The following RAPGEF6 variants were observed in gnomAD, a reference collection of about 807,000 sequenced individuals.
RAPGEF6 encodes the protein PDZ domain containing guanine nucleotide exchange factor (GEF) 2.
In RAPGEF6, 56 loss-of-function variants were observed where a neutral mutation model predicts 171.4. The observed-to-expected ratio is 0.33, with a 90% CI of 0.26 to 0.41. RAPGEF6 has a LOEUF of 0.41. Ranked by LOEUF, RAPGEF6 falls within the 10% of genes least tolerant of loss-of-function variation. RAPGEF6 has a pLI of 1.00. For missense variants in RAPGEF6, 1,674 were observed against 1,921.4 expected (o/e 0.87, Z 2.41); for synonymous variants, 692 against 650.1 (o/e 1.06, Z -0.98).
At chr5:131,613,106 C>T (rs1162026154) in intron 1 of RAPGEF6, among the ~76,000 whole-genome samples, 1 of 152,116 alleles carries the variant, frequency 6.6e-6, no homozygotes, top group Non-Finnish European at 1.5e-5. Context: ...CTGCATGACC[C>T]TGAACTAAAA....
At chr5:131,479,443 CCCCCA>C (rs1755322584) in intron 16 of RAPGEF6, 65 bp downstream of exon 16, 2 of 1,553,606 alleles carry the variant, frequency 1.3e-6, no homozygotes, top group Non-Finnish European at 1.8e-6. Context: ...CCCAAGCCTC[CCCCCA>C]CCCCAAATAA....
intron 11 of RAPGEF6, among the ~76,000 whole-genome samples, chr5:131,499,142 C>G (rs1205868002): frequency 2.6e-5 from 4 of 152,190 alleles, no homozygotes; most frequent in Admixed American, 6.5e-5. Context: ...TGTTACTTCC[C>G]AGAATAAATA....
At chr5:131,603,200 G>A (rs1764355949) in intron 3 of RAPGEF6, 71 bp downstream of exon 3, 1 of 1,121,126 alleles carries the variant, frequency 8.9e-7, no homozygotes, top group Non-Finnish European at 1.3e-6. Flanking sequence ...AGAATCAAAT[G>A]AATTTCAATG....
At position 131,453,184 on chromosome 5, in the gene RAPGEF6, A is replaced by G. The variant is rs908753192; in HGVS notation, c.3077-7T>C. 6.3e-7 allele frequency: 1 copy of G among 1,584,904 alleles called. No individual in the cohort carries two copies. Among genetic ancestry groups the G allele is most frequent in the Admixed American group, 1.8e-5 (1 of 56,506 alleles). ...TCTACTTTGGAGTCATTTCCTATAG[A>G]ATGAAAATAAATGTTTAAGTTCAAA... On this transcript the variant is annotated splice_region_variant and splice_polypyrimidine_tract_variant and intron_variant, in intron 20 of 27. Coordinates refer to ENST00000509018, the MANE Select transcript of RAPGEF6 (RefSeq NM_016340.6).
intron 4 of RAPGEF6, among the ~76,000 whole-genome samples, chr5:131,581,438 C>T (rs996379564): frequency 2.0e-5 from 3 of 152,140 alleles, no homozygotes; most frequent in African/African-American, 7.2e-5. Context: ...CGATTAATCT[C>T]TCAATTCCTA....
intron 11 of RAPGEF6, among the ~76,000 whole-genome samples, chr5:131,503,291 A>T (rs1158872212): frequency 6.6e-6 from 1 of 152,198 alleles, no homozygotes; most frequent in African/African-American, 2.4e-5. Flanking sequence ...TGAAAATATT[A>T]ACAGTTGAGG....
chr5:131,476,589 T>TA (rs1451293146), intron 16 of RAPGEF6, among the ~76,000 whole-genome samples: 3 of 152,078 alleles, frequency 2.0e-5, no homozygotes, highest in African/African-American at 7.2e-5. Context: ...GCCTCCCGAG[T>TA]AACTGGGATT....
chr5:131,484,360 G>C (rs2149863336), intron 15 of RAPGEF6, among the ~76,000 whole-genome samples: 1 of 150,406 alleles, frequency 6.6e-6, no homozygotes, highest in Non-Finnish European at 1.5e-5. Context: ...CCGAGTAGCT[G>C]GGACTACAGG....
intron 19 of RAPGEF6, among the ~76,000 whole-genome samples, chr5:131,457,653 A>G (rs2149829943): frequency 6.6e-6 from 1 of 152,316 alleles, no homozygotes; most frequent in South Asian, 2.1e-4. Context: ...TGGATCAAAA[A>G]TACAGTTTCC....
intron 6 of RAPGEF6, among the ~76,000 whole-genome samples, chr5:131,538,241 C>T (rs997573579): frequency 2.6e-5 from 4 of 152,122 alleles, no homozygotes; most frequent in Admixed American, 1.3e-4. Context: ...CATTGCTTAA[C>T]AACTGGGGTA....
In RAPGEF6 at chr5:131,605,692, T is replaced by C. The variant is rs933686822; in HGVS notation, c.70-999A>G. 2.6e-5 allele frequency among the ~76,000 whole-genome samples: 4 copies of C among 152,040 alleles called. 1 individual carries two copies. In the South Asian group the frequency reaches 8.3e-4, roughly 32 times the overall value. On this transcript the variant is annotated intron_variant, in intron 1 of 27. Coordinates refer to ENST00000509018, the MANE Select transcript of RAPGEF6 (RefSeq NM_016340.6). Reference sequence around the variant, plus strand: ...TACTGGGGGAGAAACTAAAGACAACTTGTTTTCTAGTAGGTTAATAAGACA... The same window carrying C: ...TACTGGGGGAGAAACTAAAGACAACCTGTTTTCTAGTAGGTTAATAAGACA...
At chr5:131,461,096 AGAAGGGAGTGG>A (rs1001407440) in intron 19 of RAPGEF6, among the ~76,000 whole-genome samples, 3 of 152,324 alleles carry the variant, frequency 2.0e-5, no homozygotes, top group African/African-American at 7.2e-5. Flanking sequence ...ATAAGTGGGA[AGAAGGGAGTGG>A]GAGAGCTCAC....
intron 24 of RAPGEF6, chr5:131,436,368 T>C: frequency 1.3e-6 from 2 of 1,537,430 alleles, no homozygotes; most frequent in Non-Finnish European, 1.7e-6. Context: ...TGTGATCAGA[T>C]ATGATACTGC....
intron 4 of RAPGEF6, among the ~76,000 whole-genome samples, chr5:131,569,912 G>A (rs1050620792): frequency 1.3e-5 from 2 of 151,698 alleles, no homozygotes; most frequent in East Asian, 3.9e-4. Context: ...CGTAGTAGTG[G>A]GCATTTGCAA....
intron 15 of RAPGEF6, among the ~76,000 whole-genome samples, chr5:131,487,100 T>G (rs1194547985): frequency 6.6e-6 from 1 of 152,118 alleles, no homozygotes; most frequent in Non-Finnish European, 1.5e-5. Flanking sequence ...ACCTTCACGG[T>G]TGAGTGTTAC....
intron 1 of RAPGEF6, among the ~76,000 whole-genome samples, chr5:131,626,361 A>G (rs1291960238): frequency 1.3e-5 from 2 of 152,106 alleles, no homozygotes; most frequent in Non-Finnish European, 2.9e-5. Context: ...TCCCACTCCC[A>G]TAAAAGGCAA....
At chr5:131,500,756 T>G (rs938093120) in intron 11 of RAPGEF6, among the ~76,000 whole-genome samples, 1 of 152,186 alleles carries the variant, frequency 6.6e-6, no homozygotes, top group Non-Finnish European at 1.5e-5. Context: ...CAAGTCATGC[T>G]GAAACTATCG....
rs377056374 is a variant in RAPGEF6, at chr5:131,455,908, G to A, written c.2969C>T (p.Ser990Phe). The change falls in exon 20 of 28, where the codon TCT becomes TTT. Residue 990 changes from serine to phenylalanine, a missense_variant. This residue lies in a region of RAPGEF6 where 1,116 missense variants were observed against 1,321.5 expected (regional missense o/e 0.84). Coordinates refer to ENST00000509018, the MANE Select transcript of RAPGEF6 (RefSeq NM_016340.6). ...LQDLQDIFDP[S>F]RNMAKYRNIL... ...ATTTCTATACTTTGCCATGTTTCTA[G>A]ATGGATCAAAAATGTCTTGTAGATC... 4 of 1,613,922 alleles carry A rather than the reference G, an allele frequency of 2.5e-6. No homozygotes were observed. The highest frequency in any genetic ancestry group is 3.4e-6 in the Non-Finnish European group (4 of 1,179,834).
chr5:131,440,130 T>C lies in RAPGEF6; in HGVS notation c.3611-415A>G, dbSNP rs183233897. ...ATGTGGCAGGGGCAGTGTGGGGATG[T>C]TGGCACTGTCACTACCTGTGGTGCA... On this transcript the variant is annotated intron_variant, in intron 23 of 27. Coordinates refer to ENST00000509018, the MANE Select transcript of RAPGEF6 (RefSeq NM_016340.6). 7.1e-4 allele frequency: 310 copies of C among 435,880 alleles called. 2 individuals carry two copies. The highest frequency in any genetic ancestry group is 5.9e-3 in the African/African-American group (293 of 49,532). The allele number at this position is 435,880 out of a possible 1,614,324, so 27.0% of individuals were successfully genotyped here.
Sources: allele counts gnomAD v4.1 joint callset (sites outside exome capture counted in the v4.1 genomes callset), GRCh38; gene constraint gnomAD v4.1.1; regional missense constraint gnomAD v4.1.1; transcripts MANE v1.5; gene names NCBI Gene and HGNC (gene_info 2026-07-23, HGNC 2026-07-21).